The following NDUFS4 variants were observed in gnomAD, a reference collection of about 807,000 sequenced individuals.
NDUFS4 encodes NADH dehydrogenase [ubiquinone] iron-sulfur protein 4, mitochondrial.
NDUFS4 carries 28 observed loss-of-function variants against 24.3 expected under a neutral mutation model. The ratio of observed to expected loss-of-function variants is 1.15; its 90% CI spans 0.85 to 1.58. The LOEUF (loss-of-function observed/expected upper bound fraction) is 1.58, where lower values mean the gene tolerates loss of function less well. Ranked by LOEUF, NDUFS4 falls within the 40% of genes most tolerant of loss-of-function variation. The probability of loss-of-function intolerance (pLI) is 0.00; values close to 1 mark genes in which losing one functional copy is unlikely to be tolerated. For missense variants in NDUFS4, 223 were observed against 207.9 expected, an observed-to-expected ratio of 1.07 and a Z score of -0.45; for synonymous variants, 93 against 69.7, an observed-to-expected ratio of 1.34 and a Z score of -1.67.
chr5:53,683,190 GGAACAAAA>G lies in NDUFS4; in HGVS notation c.504_511del (p.Arg169SerfsTer9). ...AAGTCTTATGGTGCAAACTTTTCTTGGAACAAAAGAACAAGAGTATCCACAAAATAGGT... is the reference window on the plus strand; with the variant it reads ...AAGTCTTATGGTGCAAACTTTTCTTGGAACAAGAGTATCCACAAAATAGGT... On this transcript the variant is annotated frameshift_variant, in exon 5 of 5. Transcript: ENST00000296684. LOFTEE classifies it high-confidence loss of function. 1 of 1,611,548 alleles carries G rather than the reference GGAACAAAA, an allele frequency of 6.2e-7. No individual in the cohort carries two copies. The highest frequency in any genetic ancestry group is 8.5e-7 in the Non-Finnish European group (1 of 1,178,094).
intron 4 of NDUFS4, among the ~76,000 whole-genome samples, chr5:53,671,267 G>T (rs1010137092): frequency 6.6e-5 from 10 of 151,970 alleles, no homozygotes; most frequent in Non-Finnish European, 1.2e-4. Flanking sequence ...GATAATTTCT[G>T]CAGCTGTCCC....
chr5:53,576,815 C>CT (rs1460143290), intron 1 of NDUFS4, among the ~76,000 whole-genome samples: 1 of 152,132 alleles, frequency 6.6e-6, no homozygotes, highest in Non-Finnish European at 1.5e-5. Flanking sequence ...GTTAAACTAT[C>CT]TTTTTTCCTA....
chr5:53,679,772 A>G (rs1382031854), intron 4 of NDUFS4, among the ~76,000 whole-genome samples: 1 of 152,072 alleles, frequency 6.6e-6, no homozygotes, highest in Non-Finnish European at 1.5e-5. Context: ...GTCTTTATTG[A>G]CCTGGAGAGT....
At chr5:53,564,766 G>C (rs866076256) in intron 1 of NDUFS4, among the ~76,000 whole-genome samples, 3 of 152,162 alleles carry the variant, frequency 2.0e-5, no homozygotes, top group African/African-American at 4.8e-5. Context: ...CTGACCCCAA[G>C]TGATCCGTGT....
At chr5:53,623,207 T>C (rs1239635393) in intron 2 of NDUFS4, among the ~76,000 whole-genome samples, 1 of 152,228 alleles carries the variant, frequency 6.6e-6, no homozygotes, top group African/African-American at 2.4e-5. Context: ...GTTTTCCATA[T>C]TGGCTGCACC....
chr5:53,679,829 T>TATCA (rs1420387552), intron 4 of NDUFS4, among the ~76,000 whole-genome samples: 3 of 152,168 alleles, frequency 2.0e-5, no homozygotes, highest in Admixed American at 1.3e-4. Flanking sequence ...GTTTCTTACC[T>TATCA]ATCATTTGGC....
At chr5:53,672,110 A>G (rs991329053) in intron 4 of NDUFS4, among the ~76,000 whole-genome samples, 1 of 152,036 alleles carries the variant, frequency 6.6e-6, no homozygotes, top group Admixed American at 6.6e-5. Context: ...ATAATTGGAG[A>G]TGTAGCTTAG....
chr5:53,629,971 G>A (rs1048767310), intron 2 of NDUFS4, among the ~76,000 whole-genome samples: 14 of 152,104 alleles, frequency 9.2e-5, no homozygotes, highest in South Asian at 2.1e-4. Flanking sequence ...TCTTCATAGC[G>A]CTGATGGTCT....
chr5:53,624,330 G>A (rs1490898435), intron 2 of NDUFS4, among the ~76,000 whole-genome samples: 1 of 152,064 alleles, frequency 6.6e-6, no homozygotes, highest in Non-Finnish European at 1.5e-5. Context: ...TTGAAACAAA[G>A]ATTTCACGTG....
intron 2 of NDUFS4, among the ~76,000 whole-genome samples, chr5:53,644,475 T>A (rs1751798739): frequency 6.6e-6 from 1 of 152,148 alleles, no homozygotes; most frequent in Admixed American, 6.6e-5. Context: ...TTGCAAGTAT[T>A]ACAGTGAATT....
chr5:53,634,489 T>C lies in NDUFS4; in HGVS notation c.178-11744T>C, dbSNP rs143195660. Among the ~76,000 whole-genome samples the C allele has an allele frequency of 4.6e-3, 708 of 152,332 alleles. 5 individuals carry two copies. The highest frequency in any genetic ancestry group is 0.016 in the African/African-American group (682 of 41,572). Reference sequence around the variant, plus strand: ...AACTCTTAATGTATGCTATGTGTTCTTTAGCCTTTTTAATTTATTACCAGG... The same window carrying C: ...AACTCTTAATGTATGCTATGTGTTCCTTAGCCTTTTTAATTTATTACCAGG... On this transcript the variant is annotated intron_variant, in intron 2 of 4. Transcript: ENST00000296684.
intron 1 of NDUFS4, among the ~76,000 whole-genome samples, chr5:53,584,151 C>T (rs1455646132): frequency 1.3e-5 from 2 of 152,330 alleles, no homozygotes; most frequent in East Asian, 1.9e-4. Flanking sequence ...TTACCATTTG[C>T]ATTCAAACTA....
chr5:53,586,131 C>A (rs1233301707), intron 1 of NDUFS4, among the ~76,000 whole-genome samples: 1 of 151,906 alleles, frequency 6.6e-6, no homozygotes, highest in Non-Finnish European at 1.5e-5. Context: ...GAGTTCCAGA[C>A]CAGCCTGACT....
intron 2 of NDUFS4, among the ~76,000 whole-genome samples, chr5:53,636,913 C>T (rs1293921335): frequency 6.6e-6 from 1 of 152,142 alleles, no homozygotes; most frequent in African/African-American, 2.4e-5. Flanking sequence ...TCTGAGGCCT[C>T]CCCAGCCATG....
In NDUFS4 at chr5:53,618,741, C is replaced by G. The variant is rs189804813; in HGVS notation, c.177+15211C>G. Among the ~76,000 whole-genome samples, 114 of 152,184 alleles carry G rather than the reference C, an allele frequency of 7.5e-4. 4 individuals carry two copies. In the East Asian group the frequency reaches 0.011, roughly 15 times the overall value. ...TCTTTTTAATGGTGGAAATTTGTAA[C>G]TGTATTACTTCAAGGAAGTTTCCAA... is the stretch of plus-strand genomic sequence containing the variant. On this transcript the variant is annotated intron_variant, in intron 2 of 4. Transcript: ENST00000296684.
At chr5:53,655,494 T>C (rs897017753) in intron 3 of NDUFS4, among the ~76,000 whole-genome samples, 1 of 149,704 alleles carries the variant, frequency 6.7e-6, no homozygotes, top group Non-Finnish European at 1.5e-5. Context: ...TGTGTAAATT[T>C]CTGTTTGGGT....
intron 1 of NDUFS4, among the ~76,000 whole-genome samples, chr5:53,579,457 G>T (rs1749489124): frequency 6.6e-6 from 1 of 152,116 alleles, no homozygotes; most frequent in Admixed American, 6.5e-5. Context: ...ATATGTTCAT[G>T]TCCTAATCCC....
At chr5:53,667,477 C>G (rs1291829780) in intron 4 of NDUFS4, among the ~76,000 whole-genome samples, 1 of 106,622 alleles carries the variant, frequency 9.4e-6, no homozygotes, top group Non-Finnish European at 1.9e-5. Flanking sequence ...AGAGCAAAAA[C>G]TCTGTCTCCA....
At chr5:53,571,691 T>C (rs558538203) in intron 1 of NDUFS4, among the ~76,000 whole-genome samples, 2 of 152,190 alleles carry the variant, frequency 1.3e-5, no homozygotes, top group South Asian at 4.1e-4. Context: ...CCAACTTTGT[T>C]ATTATCTATC....
Sources: gnomAD v4.1 joint callset for allele counts (sites outside exome capture counted in the v4.1 genomes callset) on GRCh38, gnomAD v4.1.1 for gene constraint, MANE v1.5 for transcripts, NCBI Gene and HGNC (gene_info 2026-07-23, HGNC 2026-07-21) for gene names.